The following EFCAB6 variants were observed in gnomAD, a reference collection of about 807,000 sequenced individuals.
EFCAB6 encodes EF-hand calcium binding domain 6, also known as EF-hand calcium-binding domain-containing protein 6.
A neutral mutation model predicts 169.8 loss-of-function variants in EFCAB6; 156 were observed. That is an observed-to-expected ratio of 0.92 (90% CI 0.81 to 1.05). The LOEUF is 1.05. Among genes scored for constraint, EFCAB6 ranks in the 50% least tolerant of loss-of-function variants. The probability of loss-of-function intolerance (pLI) is 0.00; values close to 1 mark genes in which losing one functional copy is unlikely to be tolerated. For missense variants in EFCAB6, 1,800 were observed against 1,829.1 expected (o/e 0.98, Z 0.29); for synonymous variants, 698 against 676.4 (o/e 1.03, Z -0.50).
At chr22:43,581,150 TG>T (rs995927821) in intron 24 of EFCAB6, among the ~76,000 whole-genome samples, 1 of 151,992 alleles carries the variant, frequency 6.6e-6, no homozygotes, top group Non-Finnish European at 1.5e-5. Flanking sequence ...GCAGTCTGGA[TG>T]GGGGGCTCCT....
chr22:43,576,700 G>A (rs1218123469), intron 25 of EFCAB6, among the ~76,000 whole-genome samples: 1 of 152,146 alleles, frequency 6.6e-6, no homozygotes, highest in Admixed American at 6.5e-5. Flanking sequence ...AGTTCTAGAG[G>A]AAATTTGCCT....
At chr22:43,540,705 C>T (rs1041223087) in intron 27 of EFCAB6, among the ~76,000 whole-genome samples, 1 of 152,104 alleles carries the variant, frequency 6.6e-6, no homozygotes. Context: ...CAAATCAGAG[C>T]CCCCACCCAC....
intron 12 of EFCAB6, 48 bp from the exon 13 acceptor site, chr22:43,678,211 A>G (rs2057853515): frequency 1.3e-6 from 2 of 1,489,532 alleles, no homozygotes; most frequent in Non-Finnish European, 1.8e-6. Context: ...AAAAAAAAAA[A>G]GGAAGAAAAA....
chr22:43,540,471 G>A (rs1052612477), intron 27 of EFCAB6, 114 bp from the exon 28 acceptor site: 2 of 1,564,550 alleles, frequency 1.3e-6, no homozygotes, highest in East Asian at 2.3e-5. Context: ...GCACTCACGT[G>A]ACTGGTGAAG....
chr22:43,768,137 G>T (rs2061372872), intron 4 of EFCAB6, among the ~76,000 whole-genome samples: 1 of 152,054 alleles, frequency 6.6e-6, no homozygotes. Context: ...TCTTTTAAAT[G>T]GCCTCCATTA....
chr22:43,562,334 A>C (rs905241542), intron 26 of EFCAB6, among the ~76,000 whole-genome samples: 1 of 152,214 alleles, frequency 6.6e-6, no homozygotes, highest in African/African-American at 2.4e-5. Flanking sequence ...ACAGTCATCA[A>C]AGAGGCTACT....
In EFCAB6 at chr22:43,731,784, C is replaced by CT; in HGVS notation, c.671dup (p.Asp225GlyfsTer17). ...ACACGTTGTAATCTACTGCAGTATCCTTGTGGATGTTGTAGTGTTTCGAAA... is the reference window on the plus strand; with the variant it reads ...ACACGTTGTAATCTACTGCAGTATCCTTTGTGGATGTTGTAGTGTTTCGAAA... On this transcript the variant is annotated frameshift_variant, in exon 8 of 32. Transcript: ENST00000262726. LOFTEE classifies it high-confidence loss of function. The CT allele has an allele frequency of 6.3e-7, 1 of 1,591,568 alleles. No homozygotes were observed. Among genetic ancestry groups the CT allele is most frequent in the Non-Finnish European group, 8.5e-7 (1 of 1,171,616 alleles).
At chr22:43,676,173 C>T (rs1158349317) in intron 13 of EFCAB6, among the ~76,000 whole-genome samples, 4 of 151,862 alleles carry the variant, frequency 2.6e-5, no homozygotes, top group Non-Finnish European at 4.4e-5. Flanking sequence ...ATCCCAGCAC[C>T]TTGGGAGGCC....
At chr22:43,655,461 G>A (rs2056687931) in intron 17 of EFCAB6, among the ~76,000 whole-genome samples, 1 of 146,632 alleles carries the variant, frequency 6.8e-6, no homozygotes, top group Non-Finnish European at 1.5e-5. Context: ...TAAGAACAAA[G>A]CAACTCATAA....
At chr22:43,661,978 G>A (rs1467354787) in intron 17 of EFCAB6, among the ~76,000 whole-genome samples, 3 of 151,838 alleles carry the variant, frequency 2.0e-5, no homozygotes, top group Non-Finnish European at 4.4e-5. Context: ...TTAGCCAGGC[G>A]TGGTTAACCA....
At chr22:43,755,954 C>T (rs941350110) in intron 5 of EFCAB6, 122 bp from the exon 6 acceptor site, 2 of 969,580 alleles carry the variant, frequency 2.1e-6, no homozygotes, top group African/African-American at 3.3e-5. Context: ...CAAGGTATTT[C>T]TTACAAGCTA....
Position 43,757,817 on chromosome 22 carries a change from T to C in EFCAB6, c.441-1985A>G, listed in dbSNP as rs141881868. Among the ~76,000 whole-genome samples the C allele has an allele frequency of 2.8e-3, 429 of 152,328 alleles. 1 individual carries two copies. Among genetic ancestry groups the C allele is most frequent in the African/African-American group, 0.01 (416 of 41,576 alleles). On this transcript the variant is annotated intron_variant, in intron 5 of 31. Transcript: ENST00000262726. ...TCTACATCTTGCTTCCCAAACTCCA[T>C]CTCAGTGTCTGCTTCAGGAGAACCC...
intron 27 of EFCAB6, among the ~76,000 whole-genome samples, chr22:43,541,371 CA>C (rs1166098077): frequency 6.6e-6 from 1 of 152,156 alleles, no homozygotes; most frequent in Non-Finnish European, 1.5e-5. Flanking sequence ...ACAAGGTTCT[CA>C]ATTTATCTTT....
chr22:43,786,255 C>T (rs181534831), intron 2 of EFCAB6, among the ~76,000 whole-genome samples: 14 of 152,122 alleles, frequency 9.2e-5, no homozygotes, highest in East Asian at 1.9e-4. Context: ...CCCAGCTACC[C>T]GGGAGGCTGA....
chr22:43,638,764 T>C lies in EFCAB6; in HGVS notation c.1984-3548A>G, dbSNP rs538684966. ...CATAGAATGTAGAAACCTTGCAACC[T>C]TATAGAGGTCTCCTGCACCCTGTTC... On this transcript the variant is annotated intron_variant, in intron 17 of 31. Transcript: ENST00000262726. Among the ~76,000 whole-genome samples, 13 of 152,306 alleles carry C rather than the reference T, an allele frequency of 8.5e-5. No individual in the cohort carries two copies. In the South Asian group the frequency reaches 1.9e-3, roughly 22 times the overall value.
At chr22:43,635,862 A>C (rs905130032) in intron 17 of EFCAB6, among the ~76,000 whole-genome samples, 1 of 152,164 alleles carries the variant, frequency 6.6e-6, no homozygotes, top group South Asian at 2.1e-4. Flanking sequence ...CAAATACTGA[A>C]GTGGAATCGT....
At chr22:43,622,362 C>T (rs1043835474) in intron 20 of EFCAB6, among the ~76,000 whole-genome samples, 11 of 152,074 alleles carry the variant, frequency 7.2e-5, no homozygotes, top group African/African-American at 2.2e-4. Flanking sequence ...GTCAGGAGTT[C>T]GATACCAGCC....
intron 23 of EFCAB6, among the ~76,000 whole-genome samples, chr22:43,591,071 G>A (rs1437874970): frequency 6.6e-6 from 1 of 151,742 alleles, no homozygotes; most frequent in African/African-American, 2.4e-5. Context: ...AAGTGCCAAA[G>A]ACCCCCTGGG....
chr22:43,557,041 A>C (rs188962917), intron 26 of EFCAB6, among the ~76,000 whole-genome samples: 1 of 152,268 alleles, frequency 6.6e-6, no homozygotes, highest in Admixed American at 6.5e-5. Context: ...ACGGTTTCAG[A>C]ACTTCAGGGC....
Sources: gnomAD v4.1 joint callset for allele counts (sites outside exome capture counted in the v4.1 genomes callset) on GRCh38, gnomAD v4.1.1 for gene constraint, MANE v1.5 for transcripts, NCBI Gene and HGNC (gene_info 2026-07-23, HGNC 2026-07-21) for gene names.